The following ROBO1 variants were observed in gnomAD, a reference collection of about 807,000 sequenced individuals.
ROBO1 encodes the protein roundabout guidance receptor 1.
Under a neutral mutation model 195.9 loss-of-function variants are expected in ROBO1, and 149 were observed. The ratio of observed to expected loss-of-function variants is 0.76; its 90% CI spans 0.67 to 0.87. The LOEUF is 0.87. Ranked by LOEUF, ROBO1 falls within the 40% of genes least tolerant of loss-of-function variation. The pLI is 0.00. For synonymous variants in ROBO1, 816 were observed against 733.2 expected (o/e 1.11, Z -1.82); for missense variants, 1,933 against 2,068.3 (o/e 0.93, Z 1.27).
At chr3:78,821,543 AT>A (rs1425511158) in intron 4 of ROBO1, among the ~76,000 whole-genome samples, 5 of 151,878 alleles carry the variant, frequency 3.3e-5, no homozygotes, top group Non-Finnish European at 7.4e-5. Flanking sequence ...TTAGCGATTC[AT>A]TTTTCCCCTC....
At chr3:79,732,637 T>C (rs781634225) in intron 1 of ROBO1, among the ~76,000 whole-genome samples, 32 of 152,284 alleles carry the variant, frequency 2.1e-4, no homozygotes, top group Non-Finnish European at 4.3e-4. Context: ...GAGAAAAAAC[T>C]TCCTTTACTC....
At chr3:79,057,298 C>T (rs2078829813) in intron 3 of ROBO1, among the ~76,000 whole-genome samples, 1 of 152,018 alleles carries the variant, frequency 6.6e-6, no homozygotes, top group South Asian at 2.1e-4. Context: ...AATATTGTCT[C>T]TGATTCTGAT....
At chr3:78,876,542 T>C (rs2035859671) in intron 4 of ROBO1, among the ~76,000 whole-genome samples, 1 of 152,202 alleles carries the variant, frequency 6.6e-6, no homozygotes, top group African/African-American at 2.4e-5. Flanking sequence ...ATACAACTGA[T>C]GATTGTTAGA....
intron 1 of ROBO1, among the ~76,000 whole-genome samples, chr3:79,758,777 T>G (rs1257193084): frequency 6.6e-6 from 1 of 151,958 alleles, no homozygotes; most frequent in Non-Finnish European, 1.5e-5. Context: ...GGGAAAGAAC[T>G]TAGGAAAGTA....
At chr3:79,097,081 A>G (rs565198530) in intron 3 of ROBO1, among the ~76,000 whole-genome samples, 16 of 151,938 alleles carry the variant, frequency 1.1e-4, no homozygotes, top group Non-Finnish European at 1.9e-4. Flanking sequence ...CTTCCCCTAA[A>G]TAGCTGAAAT....
At chr3:79,287,473 T>C (rs2031957084) in intron 2 of ROBO1, among the ~76,000 whole-genome samples, 1 of 152,278 alleles carries the variant, frequency 6.6e-6, no homozygotes, top group African/African-American at 2.4e-5. Flanking sequence ...AAAAATGCTA[T>C]CTCAAATATA....
intron 1 of ROBO1, among the ~76,000 whole-genome samples, chr3:79,765,747 T>C (rs1704950833): frequency 6.6e-6 from 1 of 152,158 alleles, no homozygotes; most frequent in Admixed American, 6.5e-5. Context: ...TTCCCCCAGG[T>C]GCTCAATCAG....
At chr3:79,260,398 C>T (rs1363098497) in intron 2 of ROBO1, among the ~76,000 whole-genome samples, 2 of 151,850 alleles carry the variant, frequency 1.3e-5, no homozygotes, top group African/African-American at 2.4e-5. Context: ...TGTATATCTG[C>T]ATGTGTATAT....
chr3:78,870,855 T>G (rs1436985268), intron 4 of ROBO1, among the ~76,000 whole-genome samples: 1 of 152,176 alleles, frequency 6.6e-6, no homozygotes, highest in Admixed American at 6.6e-5. Flanking sequence ...GGCCCTCTAC[T>G]TAACTTAGCT....
intron 2 of ROBO1, among the ~76,000 whole-genome samples, chr3:79,184,033 T>A (rs1247169562): frequency 6.6e-6 from 1 of 152,214 alleles, no homozygotes; most frequent in Non-Finnish European, 1.5e-5. Flanking sequence ...AATGTGTTGT[T>A]TAAATCCTGT....
chr3:78,659,830 A>G (rs937119643), intron 16 of ROBO1, 23 bp from the exon 17 acceptor site: 7 of 1,587,572 alleles, frequency 4.4e-6, no homozygotes, highest in Middle Eastern at 1.7e-4. Flanking sequence ...TTTAAAAGGT[A>G]GGTTATTAGA....
At chr3:79,468,526 A>G (rs1209708369) in intron 2 of ROBO1, among the ~76,000 whole-genome samples, 1 of 152,226 alleles carries the variant, frequency 6.6e-6, no homozygotes, top group Non-Finnish European at 1.5e-5. Flanking sequence ...TGTAATCAAG[A>G]GAAAGATACC....
intron 5 of ROBO1, among the ~76,000 whole-genome samples, chr3:78,745,928 CT>C (rs1402403348): frequency 6.6e-6 from 1 of 152,176 alleles, no homozygotes; most frequent in African/African-American, 2.4e-5. Context: ...CAGCAGTGAC[CT>C]TTTCCTCACA....
intron 2 of ROBO1, among the ~76,000 whole-genome samples, chr3:79,172,377 T>C (rs2081183274): frequency 6.6e-6 from 1 of 152,204 alleles, no homozygotes; most frequent in Non-Finnish European, 1.5e-5. Flanking sequence ...TTTTATTGTA[T>C]TAACTAAATC....
At chr3:79,378,320 A>T (rs2311046) in intron 2 of ROBO1, among the ~76,000 whole-genome samples, 96,390 of 151,824 alleles carry the variant, frequency 0.63, 31,275 homozygotes, top group African/African-American at 0.77. Context: ...GCCAGCCTCC[A>T]GCATGGGCCT....
intron 2 of ROBO1, among the ~76,000 whole-genome samples, chr3:79,146,015 C>G (rs928406608): frequency 4.4e-5 from 6 of 136,918 alleles, no homozygotes; most frequent in African/African-American, 1.7e-4. Context: ...AAGTGGGTAA[C>G]TTCATATTAA....
chr3:79,580,456 T>A (rs930240150), intron 2 of ROBO1, among the ~76,000 whole-genome samples: 1 of 152,030 alleles, frequency 6.6e-6, no homozygotes, highest in East Asian at 1.9e-4. Context: ...CACTCCAGCC[T>A]GGGCAACAGA....
At chr3:79,619,883 C>A (rs1944949063) in intron 1 of ROBO1, among the ~76,000 whole-genome samples, 1 of 152,114 alleles carries the variant, frequency 6.6e-6, no homozygotes. Context: ...GCCCTCAAAC[C>A]CCACAACAGG....
At chr3:78,720,364 C>G (rs562715813) in intron 5 of ROBO1, among the ~76,000 whole-genome samples, 1 of 152,308 alleles carries the variant, frequency 6.6e-6, no homozygotes, top group South Asian at 2.1e-4. Context: ...CACTGGCCAT[C>G]AGAGAAATGC....
Sources: allele counts gnomAD v4.1 joint callset (sites outside exome capture counted in the v4.1 genomes callset), GRCh38; gene constraint gnomAD v4.1.1; transcripts MANE v1.5; gene names NCBI Gene and HGNC (gene_info 2026-07-23, HGNC 2026-07-21).